The following SH3GL2 variants were observed in gnomAD, a reference collection of about 807,000 sequenced individuals.
SH3GL2 encodes endophilin-A1.
Under a neutral mutation model 46.0 loss-of-function variants are expected in SH3GL2, and 24 were observed. That is an observed-to-expected ratio of 0.52 (90% confidence interval 0.38 to 0.73). The LOEUF (loss-of-function observed/expected upper bound fraction) is 0.73, where lower values mean the gene tolerates loss of function less well. SH3GL2 is among the 30% of genes least tolerant of loss of function. The pLI, the probability that SH3GL2 is intolerant of heterozygous loss-of-function variation, is 0.00. For synonymous variants in SH3GL2, 196 were observed against 147.1 expected (o/e 1.33, Z -2.40); for missense variants, 413 against 424.2 (o/e 0.97, Z 0.23).
chr9:17,607,890 A>G (rs559648994), intron 1 of SH3GL2, among the ~76,000 whole-genome samples: 1 of 152,274 alleles, frequency 6.6e-6, no homozygotes, highest in South Asian at 2.1e-4. Flanking sequence ...GAATGGGTTA[A>G]ATACTGTTCA....
intron 3 of SH3GL2, among the ~76,000 whole-genome samples, chr9:17,777,822 A>G (rs2131174157): frequency 6.6e-6 from 1 of 152,204 alleles, no homozygotes; most frequent in East Asian, 1.9e-4. Context: ...TACATTGGGT[A>G]TTGGGGTTTC....
At chr9:17,736,507 A>G (rs1300857537) in intron 1 of SH3GL2, among the ~76,000 whole-genome samples, 1 of 152,126 alleles carries the variant, frequency 6.6e-6, no homozygotes, top group Non-Finnish European at 1.5e-5. Flanking sequence ...TACCTAAGGT[A>G]AAGCTTACGA....
intron 2 of SH3GL2, among the ~76,000 whole-genome samples, chr9:17,755,047 CAT>C (rs1302242602): frequency 6.6e-6 from 1 of 152,134 alleles, no homozygotes; most frequent in East Asian, 1.9e-4. Context: ...TGAGAGAGGG[CAT>C]CCTTGTCTTG....
At chr9:17,736,765 A>G (rs1822348356) in intron 1 of SH3GL2, among the ~76,000 whole-genome samples, 2 of 152,126 alleles carry the variant, frequency 1.3e-5, no homozygotes, top group African/African-American at 4.8e-5. Context: ...AATGGATGGA[A>G]AAAAACTGTC....
chr9:17,772,671 A>C (rs1339458141), intron 3 of SH3GL2, among the ~76,000 whole-genome samples: 2 of 152,198 alleles, frequency 1.3e-5, no homozygotes, highest in Admixed American at 6.5e-5. Flanking sequence ...GTATATAAGA[A>C]TTGCCTTCCT....
intron 3 of SH3GL2, among the ~76,000 whole-genome samples, chr9:17,780,332 T>G (rs996408774): frequency 1.4e-4 from 22 of 152,148 alleles, no homozygotes; most frequent in Non-Finnish European, 2.6e-4. Flanking sequence ...TTTGTTCATC[T>G]TTCTATTTGT....
chr9:17,646,538 G>A (rs911376514), intron 1 of SH3GL2, among the ~76,000 whole-genome samples: 2 of 152,132 alleles, frequency 1.3e-5, no homozygotes, highest in African/African-American at 2.4e-5. Context: ...TTTGGTGTCA[G>A]TGACCTTTGG....
intron 1 of SH3GL2, among the ~76,000 whole-genome samples, chr9:17,728,600 A>G (rs1588278781): frequency 6.6e-6 from 1 of 152,004 alleles, no homozygotes; most frequent in African/African-American, 2.4e-5. Context: ...TACATTAGGT[A>G]TTTCTCCTAA....
At chr9:17,580,243 T>C (rs776810138) in intron 1 of SH3GL2, among the ~76,000 whole-genome samples, 2 of 152,212 alleles carry the variant, frequency 1.3e-5, no homozygotes, top group Non-Finnish European at 2.9e-5. Context: ...TTTGATGACT[T>C]ACCGCGAAAT....
chr9:17,743,199 T>C lies in SH3GL2; in HGVS notation c.46-3867T>C, dbSNP rs982460990. 2.6e-5 allele frequency among the ~76,000 whole-genome samples: 4 copies of C among 152,186 alleles called. No individual in the cohort carries two copies. The South Asian group carries it at 6.2e-4, about 24-fold the overall frequency. On this transcript the variant is annotated intron_variant, in intron 1 of 8. Coordinates refer to ENST00000380607, the MANE Select transcript of SH3GL2 (RefSeq NM_003026.5). Reference sequence around the variant, plus strand: ...GAAAAGGAAGAAAAAATGTTTGCCATACTCCTAAGGAATGAGTCAGTTGTT... The same window carrying C: ...GAAAAGGAAGAAAAAATGTTTGCCACACTCCTAAGGAATGAGTCAGTTGTT...
chr9:17,671,407 G>C (rs1820470935), intron 1 of SH3GL2, among the ~76,000 whole-genome samples: 1 of 151,954 alleles, frequency 6.6e-6, no homozygotes, highest in African/African-American at 2.4e-5. Context: ...GTGAGGGGAA[G>C]GTTATGAGGC....
chr9:17,769,628 C>T (rs1174613735), intron 3 of SH3GL2, among the ~76,000 whole-genome samples: 1 of 152,082 alleles, frequency 6.6e-6, no homozygotes, highest in Non-Finnish European at 1.5e-5. Flanking sequence ...ATGCCGTCTC[C>T]CTGTACAGTC....
chr9:17,674,485 C>G (rs991165549), intron 1 of SH3GL2, among the ~76,000 whole-genome samples: 2 of 152,002 alleles, frequency 1.3e-5, no homozygotes, highest in African/African-American at 4.8e-5. Context: ...CAGGCTGTGT[C>G]AAATTCCTGA....
intron 1 of SH3GL2, among the ~76,000 whole-genome samples, chr9:17,670,887 T>C (rs1404236224): frequency 6.6e-6 from 1 of 152,228 alleles, no homozygotes; most frequent in African/African-American, 2.4e-5. Flanking sequence ...CACAGATTGC[T>C]AGGCCTTGCC....
At chr9:17,688,811 C>T (rs1489996776) in intron 1 of SH3GL2, among the ~76,000 whole-genome samples, 1 of 151,988 alleles carries the variant, frequency 6.6e-6, no homozygotes, top group African/African-American at 2.4e-5. Flanking sequence ...TCTATGAGTT[C>T]ATACTGATGG....
At chr9:17,603,480 A>T (rs143566863) in intron 1 of SH3GL2, among the ~76,000 whole-genome samples, 1 of 152,302 alleles carries the variant, frequency 6.6e-6, no homozygotes, top group East Asian at 1.9e-4. Context: ...GGGGAGGGCA[A>T]CTGGGGAGTT....
intron 1 of SH3GL2, among the ~76,000 whole-genome samples, chr9:17,670,794 A>G (rs1307416010): frequency 6.6e-6 from 1 of 152,190 alleles, no homozygotes; most frequent in African/African-American, 2.4e-5. Context: ...TTTCTTATCT[A>G]CTTGAAATAA....
intron 1 of SH3GL2, among the ~76,000 whole-genome samples, chr9:17,615,645 C>G (rs1206023366): frequency 8.8e-6 from 1 of 114,278 alleles, no homozygotes; most frequent in Non-Finnish European, 1.6e-5. Flanking sequence ...ACCGACAGAG[C>G]GAGACTCCGT....
At chr9:17,651,622 T>A (rs949580412) in intron 1 of SH3GL2, among the ~76,000 whole-genome samples, 23 of 152,322 alleles carry the variant, frequency 1.5e-4, no homozygotes, top group African/African-American at 5.5e-4. Flanking sequence ...AGTTTGTGGG[T>A]GATAAATTCT....
Sources: gnomAD v4.1 joint callset for allele counts (sites outside exome capture counted in the v4.1 genomes callset) on GRCh38, gnomAD v4.1.1 for gene constraint, MANE v1.5 for transcripts, NCBI Gene and HGNC (gene_info 2026-07-23, HGNC 2026-07-21) for gene names.